The following CHN2 variants were observed in gnomAD, a reference collection of about 807,000 sequenced individuals.
CHN2 encodes the protein beta-chimaerin.
In CHN2, 35 loss-of-function variants were observed where a neutral mutation model predicts 56.3. That is an observed-to-expected ratio of 0.62 (90% confidence interval 0.47 to 0.82). The LOEUF is 0.82. Among genes scored for constraint, CHN2 ranks in the 40% least tolerant of loss-of-function variants. The pLI is 0.00. For synonymous variants in CHN2, 210 were observed against 212.8 expected (o/e 0.99, Z 0.12); for missense variants, 491 against 580.5 (o/e 0.85, Z 1.58).
At chr7:29,268,684 A>G (rs1237942144) in intron 1 of CHN2, among the ~76,000 whole-genome samples, 1 of 152,196 alleles carries the variant, frequency 6.6e-6, no homozygotes, top group Non-Finnish European at 1.5e-5. Context: ...CACAGAAGGC[A>G]ACACAACAGC....
rs115728095 is a variant in CHN2, at chr7:29,214,293, C to T, written c.49+19303C>T. ...CATGGTTACTGGCACCCAGCAGCAT[C>T]CCTCACATTTTGTTAATGTTTTACC... is the stretch of plus-strand genomic sequence containing the variant. On this transcript the variant is annotated intron_variant, in intron 1 of 12. Coordinates refer to ENST00000222792, the MANE Select transcript of CHN2 (RefSeq NM_004067.4). 5.1e-3 allele frequency among the ~76,000 whole-genome samples: 782 copies of T among 152,266 alleles called. 10 individuals are homozygous for T. Among genetic ancestry groups the T allele is most frequent in the African/African-American group, 0.018 (744 of 41,542 alleles).
At chr7:29,422,868 ATG>A (rs1373148208) in intron 6 of CHN2, among the ~76,000 whole-genome samples, 1 of 152,194 alleles carries the variant, frequency 6.6e-6, no homozygotes, top group Non-Finnish European at 1.5e-5. Context: ...TCTCAAACTA[ATG>A]TTCTGAGAAA....
At chr7:29,340,440 T>G (rs1796956933) in intron 1 of CHN2, among the ~76,000 whole-genome samples, 1 of 151,938 alleles carries the variant, frequency 6.6e-6, no homozygotes, top group Non-Finnish European at 1.5e-5. Context: ...AACAAACAAA[T>G]CAAACATTGC....
intron 10 of CHN2, 131 bp from the exon 11 acceptor site, chr7:29,507,097 T>C (rs1790652096): frequency 1.3e-6 from 1 of 776,188 alleles, no homozygotes; most frequent in Non-Finnish European, 2.0e-6. Flanking sequence ...TCAGTGTTAC[T>C]AGAAGCCAAA....
chr7:29,393,952 C>A (rs571204366), intron 4 of CHN2, among the ~76,000 whole-genome samples: 2 of 152,142 alleles, frequency 1.3e-5, no homozygotes. Context: ...AAAAGAGCTA[C>A]TGAGTGCCTG....
intron 6 of CHN2, among the ~76,000 whole-genome samples, chr7:29,459,031 G>T (rs993459444): frequency 1.2e-4 from 18 of 152,206 alleles, no homozygotes; most frequent in Admixed American, 9.2e-4. Flanking sequence ...TTTGAATTAA[G>T]TTACACTAAA....
At chr7:29,363,200 A>G (rs1395656535) in intron 2 of CHN2, among the ~76,000 whole-genome samples, 1 of 152,210 alleles carries the variant, frequency 6.6e-6, no homozygotes, top group Non-Finnish European at 1.5e-5. Flanking sequence ...AACATGTACT[A>G]CAAGGCTGAG....
chr7:29,508,545 C>T (rs1460689690), intron 11 of CHN2, among the ~76,000 whole-genome samples: 2 of 152,000 alleles, frequency 1.3e-5, no homozygotes, highest in African/African-American at 4.8e-5. Context: ...TTCGGATGAG[C>T]TGAGGCCCTG....
intron 1 of CHN2, among the ~76,000 whole-genome samples, chr7:29,293,763 C>G (rs1252487123): frequency 6.6e-6 from 1 of 152,158 alleles, no homozygotes; most frequent in African/African-American, 2.4e-5. Context: ...ACTGTTTCCC[C>G]CTAGCACATC....
At chr7:29,306,550 G>A (rs1794180036) in intron 1 of CHN2, among the ~76,000 whole-genome samples, 1 of 152,156 alleles carries the variant, frequency 6.6e-6, no homozygotes, top group African/African-American at 2.4e-5. Context: ...TGGCAGGAAA[G>A]GGGGACCCTG....
chr7:29,442,474 A>G (rs941284516), intron 6 of CHN2, among the ~76,000 whole-genome samples: 4 of 152,142 alleles, frequency 2.6e-5, no homozygotes, highest in Non-Finnish European at 5.9e-5. Flanking sequence ...TGTTGTTGCT[A>G]TCTCTGCTTA....
At chr7:29,160,793 C>T (rs562532179) in intron 2 of CHN2, among the ~76,000 whole-genome samples, 10 of 152,180 alleles carry the variant, frequency 6.6e-5, no homozygotes, top group Non-Finnish European at 1.5e-4. Context: ...CTAACAAACC[C>T]ACCCTGAGAC....
In CHN2 at chr7:29,252,348, C is replaced by A. The variant is rs142690526; in HGVS notation, c.49+57358C>A. 1.3e-3 allele frequency among the ~76,000 whole-genome samples: 198 copies of A among 151,420 alleles called. 4 individuals carry two copies. Among genetic ancestry groups the A allele is most frequent in the Middle Eastern group, 6.8e-3 (2 of 292 alleles). On this transcript the variant is annotated intron_variant, in intron 1 of 12. Coordinates refer to ENST00000222792, the MANE Select transcript of CHN2 (RefSeq NM_004067.4). ...GGACTACAGGCACCCGCCACCATGC[C>A]CAGTGAATTTTATGTATTTTTAGTA...
rs144997845 is a variant in CHN2 at position 29,309,979 on chromosome 7, G to T, written c.50-44646G>T. On this transcript the variant is annotated intron_variant, in intron 1 of 12. Transcript: ENST00000222792. ...AGGCAGGACTCCCTGCCTCAAATGGGCCTCTCCCACCTTGTTCTGTCTCTC... is the reference window on the plus strand; with the variant it reads ...AGGCAGGACTCCCTGCCTCAAATGGTCCTCTCCCACCTTGTTCTGTCTCTC... Among the ~76,000 whole-genome samples, 145 of 152,338 alleles carry T rather than the reference G, an allele frequency of 9.5e-4. 2 individuals are homozygous for T. In the East Asian group the frequency reaches 0.026, roughly 28 times the overall value.
chr7:29,390,327 C>A (rs1251543352), intron 3 of CHN2, among the ~76,000 whole-genome samples: 1 of 152,158 alleles, frequency 6.6e-6, no homozygotes, highest in Non-Finnish European at 1.5e-5. Flanking sequence ...GGAGTCAGAG[C>A]ACTAAATCCC....
chr7:29,281,600 A>G (rs1388354026), intron 1 of CHN2, among the ~76,000 whole-genome samples: 1 of 152,198 alleles, frequency 6.6e-6, no homozygotes, highest in East Asian at 1.9e-4. Context: ...TCCCGTGGCT[A>G]TGAGGATCAC....
intron 1 of CHN2, among the ~76,000 whole-genome samples, chr7:29,286,520 G>A (rs1792164932): frequency 6.6e-6 from 1 of 152,196 alleles, no homozygotes; most frequent in South Asian, 2.1e-4. Flanking sequence ...GGCGAAGCCA[G>A]CGTCTTCTGC....
intron 6 of CHN2, among the ~76,000 whole-genome samples, chr7:29,430,868 G>A (rs16875041): frequency 0.022 from 3,380 of 151,524 alleles, 42 homozygotes; most frequent in South Asian, 0.053. Context: ...CTCCCCAGCG[G>A]ACTTTCCCTC....
rs182234866 is a variant in CHN2 at position 29,221,288 on chromosome 7, A to T, written c.49+26298A>T. Among the ~76,000 whole-genome samples, 27 of 152,344 alleles carry T rather than the reference A, an allele frequency of 1.8e-4. 1 individual carries two copies. Among genetic ancestry groups the T allele is most frequent in the Middle Eastern group, 6.8e-3 (2 of 294 alleles). On this transcript the variant is annotated intron_variant, in intron 1 of 12. Coordinates refer to ENST00000222792, the MANE Select transcript of CHN2 (RefSeq NM_004067.4). Reference sequence around the variant, plus strand: ...AAATGATGTAATTATATACATAGAAAATATAAAATTATTGAAAATAATGTG... The same window carrying T: ...AAATGATGTAATTATATACATAGAATATATAAAATTATTGAAAATAATGTG...
Sources: gnomAD v4.1 joint callset for allele counts (sites outside exome capture counted in the v4.1 genomes callset) on GRCh38, gnomAD v4.1.1 for gene constraint, MANE v1.5 for transcripts, NCBI Gene and HGNC (gene_info 2026-07-23, HGNC 2026-07-21) for gene names.